Variants in FBN1 observed in about 807,000 individuals in gnomAD.
The protein encoded by FBN1 is fibrillin-1.
A neutral mutation model predicts 365.1 loss-of-function variants in FBN1; 29 were observed. The ratio of observed to expected loss-of-function variants is 0.08; its 90% confidence interval spans 0.06 to 0.11. FBN1 has a LOEUF of 0.11. Ranked by LOEUF, FBN1 falls within the 10% of genes least tolerant of loss-of-function variation. The pLI is 1.00. For synonymous variants in FBN1, 1,210 were observed against 1,270.5 expected (o/e 0.95, Z 1.01); for missense variants, 2,476 against 3,703.2 (o/e 0.67, Z 8.60).
At chr15:48,640,150 G>A (rs1890173126) in intron 2 of FBN1, among the ~76,000 whole-genome samples, 1 of 152,006 alleles carries the variant, frequency 6.6e-6, no homozygotes, top group Admixed American at 6.6e-5. Flanking sequence ...TTTCACCATA[G>A]GCTGATGTAT....
In FBN1 at chr15:48,425,843, A is replaced by G. The variant is rs1360302669; in HGVS notation, c.7226T>C (p.Ile2409Thr). The G allele has an allele frequency of 6.2e-7, 1 of 1,610,750 alleles. No homozygotes were observed. The highest frequency in any genetic ancestry group is 2.2e-5 in the East Asian group (1 of 44,844). The change falls in exon 59 of 66, where the codon ATT (isoleucine) becomes ACT (threonine). Residue 2409 changes from isoleucine (I) to threonine (T), a missense_variant. Around this residue, in one of 5 missense-constraint regions of FBN1, gnomAD observed 1,780 missense variants for 2,840.8 expected, o/e 0.63. Transcript: ENST00000316623. ...NGADIDECKV[I>T]HDVCRNGECV... Reference sequence around the variant, plus strand: ...TTCCCCATTTCGGCAAACATCGTGAATAACCTTGCATTCATCGATATCTGT... The same window carrying G: ...TTCCCCATTTCGGCAAACATCGTGAGTAACCTTGCATTCATCGATATCTGT...
intron 50 of FBN1, among the ~76,000 whole-genome samples, chr15:48,441,065 A>G (rs1274396995): frequency 1.3e-5 from 2 of 152,216 alleles, no homozygotes; most frequent in Non-Finnish European, 2.9e-5. Context: ...TGTATTGTTT[A>G]GAAAAGTCTA....
chr15:48,453,826 A>C (rs1009085189), intron 44 of FBN1, among the ~76,000 whole-genome samples: 8 of 152,100 alleles, frequency 5.3e-5, no homozygotes, highest in Non-Finnish European at 1.0e-4. Context: ...TAGAAAATAA[A>C]GTCTATTAAA....
intron 47 of FBN1, among the ~76,000 whole-genome samples, chr15:48,445,836 A>G (rs1449746132): frequency 6.6e-6 from 1 of 152,146 alleles, no homozygotes; most frequent in African/African-American, 2.4e-5. Context: ...AAATCCTAAT[A>G]CACAATTCAG....
At chr15:48,575,247 A>G (rs1416406560) in intron 6 of FBN1, among the ~76,000 whole-genome samples, 1 of 152,196 alleles carries the variant, frequency 6.6e-6, no homozygotes, top group Non-Finnish European at 1.5e-5. Context: ...AAGTCTCCAC[A>G]CTCCAAATAA....
intron 43 of FBN1, among the ~76,000 whole-genome samples, chr15:48,459,253 A>C (rs760795722): frequency 6.6e-6 from 1 of 152,144 alleles, no homozygotes; most frequent in Non-Finnish European, 1.5e-5. Context: ...GATTCTAGGG[A>C]GGTTAAAAGA....
intron 4 of FBN1, among the ~76,000 whole-genome samples, chr15:48,602,337 C>T (rs1259555205): frequency 1.3e-5 from 2 of 152,114 alleles, no homozygotes; most frequent in African/African-American, 4.8e-5. Flanking sequence ...TATTTTGCCC[C>T]ATCTCATTTG....
In FBN1 at chr15:48,620,216, T is replaced by C. The variant is rs552342489; in HGVS notation, c.165-7124A>G. Among the ~76,000 whole-genome samples the C allele has an allele frequency of 3.3e-5, 5 of 152,324 alleles. No individual in the cohort carries two copies. In the South Asian group the frequency reaches 6.2e-4, roughly 19 times the overall value. On this transcript the variant is annotated intron_variant, in intron 2 of 65. Coordinates refer to ENST00000316623, the MANE Select transcript of FBN1 (RefSeq NM_000138.5). The stretch of plus-strand genomic sequence containing the variant: ...GGCTGGAATGATCCAGCTCCAGATA[T>C]TCCTTACAGAAGACTGGGAAGAGAG...
intron 64 of FBN1, among the ~76,000 whole-genome samples, chr15:48,414,467 A>C (rs962299550): frequency 6.6e-6 from 1 of 152,184 alleles, no homozygotes; most frequent in Non-Finnish European, 1.5e-5. Flanking sequence ...TTCCTAATTA[A>C]AAAGTTAAAA....
At chr15:48,561,621 A>G (rs2044222823) in intron 6 of FBN1, among the ~76,000 whole-genome samples, 1 of 152,182 alleles carries the variant, frequency 6.6e-6, no homozygotes, top group African/African-American at 2.4e-5. Context: ...AATCATATTT[A>G]CCTTTTTTAG....
intron 2 of FBN1, chr15:48,644,055 T>C (rs1029647178): frequency 6.4e-6 from 1 of 156,560 alleles, no homozygotes; most frequent in Admixed American, 6.1e-5. Context: ...CAGAACCACT[T>C]GCCCTGTTCT....
At chr15:48,458,912 A>G (rs905247771) in intron 43 of FBN1, among the ~76,000 whole-genome samples, 1 of 152,258 alleles carries the variant, frequency 6.6e-6, no homozygotes, top group Non-Finnish European at 1.5e-5. Context: ...CAATAAGCAT[A>G]TAGCTAAATA....
At chr15:48,596,456 G>A (rs1221731603) in intron 5 of FBN1, 78 bp from the exon 6 acceptor site, 20 of 1,354,784 alleles carry the variant, frequency 1.5e-5, no homozygotes, top group Non-Finnish European at 2.1e-5. Flanking sequence ...TCCTCTGGAA[G>A]GACAACAATA....
At chr15:48,522,666 T>C (rs568047560) in intron 9 of FBN1, among the ~76,000 whole-genome samples, 22 of 152,304 alleles carry the variant, frequency 1.4e-4, no homozygotes, top group Admixed American at 5.9e-4. Flanking sequence ...TCTTGAGGTT[T>C]CAATAAATTA....
Position 48,526,111 on chromosome 15 carries a change from TG to T in FBN1, c.988+18del. 1 of 1,613,902 alleles carries T rather than the reference TG, an allele frequency of 6.2e-7. No homozygotes were observed. Reference sequence around the variant, plus strand: ...ACTGACTTACACAAACCATGCATGCTGTTTGTCATTAAACCTACCTATGCAT... The same window carrying T: ...ACTGACTTACACAAACCATGCATGCTTTTGTCATTAAACCTACCTATGCAT... On this transcript the variant is annotated intron_variant, in intron 9 of 65. Coordinates refer to ENST00000316623, the MANE Select transcript of FBN1 (RefSeq NM_000138.5).
intron 6 of FBN1, among the ~76,000 whole-genome samples, chr15:48,543,033 A>T (rs1426064049): frequency 6.6e-6 from 1 of 152,182 alleles, no homozygotes; most frequent in Non-Finnish European, 1.5e-5. Flanking sequence ...GCAAAATACT[A>T]TTCATTTCCA....
At chr15:48,430,069 TA>T (rs2043012831) in intron 56 of FBN1, among the ~76,000 whole-genome samples, 1 of 152,236 alleles carries the variant, frequency 6.6e-6, no homozygotes, top group Admixed American at 6.5e-5. Context: ...TGGTTATACC[TA>T]TGTTTAATAA....
intron 6 of FBN1, among the ~76,000 whole-genome samples, chr15:48,588,458 T>C (rs2044452526): frequency 6.6e-6 from 1 of 152,174 alleles, no homozygotes; most frequent in African/African-American, 2.4e-5. Flanking sequence ...TAACGACATA[T>C]AAAAATTAGT....
At chr15:48,497,194 G>A in intron 19 of FBN1, 72 bp downstream of exon 19, 1 of 1,597,756 alleles carries the variant, frequency 6.3e-7, no homozygotes, top group East Asian at 2.2e-5. Flanking sequence ...CTCAAAGGCA[G>A]TTTTCTCCCA....
Sources: allele counts gnomAD v4.1 joint callset (sites outside exome capture counted in the v4.1 genomes callset), GRCh38; gene constraint gnomAD v4.1.1; regional missense constraint gnomAD v4.1.1; transcripts MANE v1.5; gene names NCBI Gene and HGNC (gene_info 2026-07-23, HGNC 2026-07-21).